Variants in PHACTR4 observed in about 807,000 individuals in gnomAD.
PHACTR4 encodes the protein protein phosphatase 1, regulatory subunit 124.
A neutral mutation model predicts 72.7 loss-of-function variants in PHACTR4; 51 were observed. The ratio of observed to expected loss-of-function variants is 0.70; its 90% CI spans 0.56 to 0.89. The LOEUF is 0.89. Ranked by LOEUF, PHACTR4 falls within the 40% of genes least tolerant of loss-of-function variation. The pLI, the probability that PHACTR4 is intolerant of heterozygous loss-of-function variation, is 0.00. For missense variants in PHACTR4, 731 were observed against 861.8 expected (o/e 0.85, Z 1.90); for synonymous variants, 255 against 302.5 (o/e 0.84, Z 1.63).
At chr1:28,440,500 A>G (rs1445445202) in intron 2 of PHACTR4, among the ~76,000 whole-genome samples, 1 of 134,448 alleles carries the variant, frequency 7.4e-6, no homozygotes, top group Non-Finnish European at 1.5e-5. Context: ...GGTTCACGCC[A>G]TTCTCCTGCC....
chr1:28,473,147 G>A (rs1659679282), intron 6 of PHACTR4, among the ~76,000 whole-genome samples: 1 of 151,712 alleles, frequency 6.6e-6, no homozygotes, highest in African/African-American at 2.4e-5. Flanking sequence ...GTAGTGGCGT[G>A]CGCCTGTAAT....
intron 13 of PHACTR4, 31 bp downstream of exon 13, chr1:28,493,122 G>A (rs1425512650): frequency 6.3e-7 from 1 of 1,582,344 alleles, no homozygotes; most frequent in Non-Finnish European, 8.7e-7. Context: ...TCATATATGT[G>A]CTAGGTAGAG....
chr1:28,423,435 ATAAAT>A (rs1362919481), intron 2 of PHACTR4, among the ~76,000 whole-genome samples: 1 of 141,570 alleles, frequency 7.1e-6, no homozygotes, highest in Non-Finnish European at 1.5e-5. Context: ...AAATAAATAA[ATAAAT>A]AAATGAGTAA....
chr1:28,369,883 T>TCTCAGGCTGCGGCCC (rs1651082571), intron 1 of PHACTR4, 58 bp downstream of exon 1: 3 of 415,366 alleles, frequency 7.2e-6, no homozygotes, highest in Non-Finnish European at 1.4e-5. Flanking sequence ...GGCTGCGGCC[T>TCTCAGGCTGCGGCCC]CCTCTCAGGC....
At position 28,450,974 on chromosome 1, in the gene PHACTR4, C is replaced by CTTTTTTTTTTTTTTTTTTTTTTTTTTTTT. The variant is rs1188704308; in HGVS notation, c.17-8091_17-8090insTTTTTTTTTTTTTTTTTTTTTTTTTTTTT. Among the ~76,000 whole-genome samples, 63 of 72,044 alleles carry CTTTTTTTTTTTTTTTTTTTTTTTTTTTTT rather than the reference C, an allele frequency of 8.7e-4. 7 individuals are homozygous for CTTTTTTTTTTTTTTTTTTTTTTTTTTTTT. The highest frequency in any genetic ancestry group is 1.2e-3 in the Non-Finnish European group (45 of 37,638). The allele number at this position is 72,044 out of a possible 152,430, so 47.3% of individuals were successfully genotyped here. ...TACAGGCATGTACCACCACACCCAG[C>CTTTTTTTTTTTTTTTTTTTTTTTTTTTTT]TTTTTTTTTTTTTTTTTTTTGTATT... On this transcript the variant is annotated intron_variant, in intron 2 of 13. Coordinates refer to ENST00000373839, the MANE Select transcript of PHACTR4 (RefSeq NM_001048183.3).
intron 2 of PHACTR4, among the ~76,000 whole-genome samples, chr1:28,443,710 C>T (rs753853839): frequency 2.0e-4 from 30 of 152,140 alleles, no homozygotes; most frequent in Non-Finnish European, 3.5e-4. Context: ...CTGCCTCAGC[C>T]TTCCAAAGTG....
At chr1:28,456,828 A>C (rs903082535) in intron 2 of PHACTR4, among the ~76,000 whole-genome samples, 3 of 149,088 alleles carry the variant, frequency 2.0e-5, no homozygotes, top group African/African-American at 4.9e-5. Flanking sequence ...TTGAAGGCTC[A>C]GTGAGCTGTG....
At chr1:28,415,525 G>T (rs1318145740) in intron 2 of PHACTR4, among the ~76,000 whole-genome samples, 1 of 152,212 alleles carries the variant, frequency 6.6e-6, no homozygotes, top group Non-Finnish European at 1.5e-5. Flanking sequence ...TTATTTAAAA[G>T]TACTGAGTTG....
chr1:28,485,944 T>C (rs1482723114), intron 9 of PHACTR4, among the ~76,000 whole-genome samples: 1 of 151,922 alleles, frequency 6.6e-6, no homozygotes, highest in Non-Finnish European at 1.5e-5. Context: ...TAAAAGTCTG[T>C]TCAAAAGGTA....
intron 13 of PHACTR4, among the ~76,000 whole-genome samples, chr1:28,495,373 G>A (rs1661282125): frequency 6.6e-6 from 1 of 151,954 alleles, no homozygotes; most frequent in Non-Finnish European, 1.5e-5. Flanking sequence ...CTCCCGAAGT[G>A]TTGGGATTAC....
rs183513321 is a variant in PHACTR4 at position 28,399,188 on chromosome 1, G to A, written c.-38-8222G>A. 2.1e-3 allele frequency among the ~76,000 whole-genome samples: 312 copies of A among 151,752 alleles called. 5 individuals carry two copies. The highest frequency in any genetic ancestry group is 0.015 in the Admixed American group (233 of 15,220). On this transcript the variant is annotated intron_variant, in intron 1 of 13. Coordinates refer to ENST00000373839, the MANE Select transcript of PHACTR4 (RefSeq NM_001048183.3). The stretch of plus-strand genomic sequence containing the variant: ...TTAGCTGGGTGTGGTGGCACATGCC[G>A]GTAATCTCAGCTACTGGGGAGGCTG...
chr1:28,453,811 G>A (rs1159534888), intron 2 of PHACTR4: 9 of 879,814 alleles, frequency 1.0e-5, no homozygotes, highest in East Asian at 8.1e-5. Flanking sequence ...CAAAAATCAT[G>A]ATGCTGACAG....
Position 28,490,978 on chromosome 1 carries a change from A to C in PHACTR4, c.1844A>C (p.Glu615Ala). ...AAAAATGAAGCTGATCGTCAGGCAG[A>C]AAAACGAGAAATTAAACGTCGGCTC... ...QPKNEADRQA[E>A]KREIKRRLTR... is the part of the protein sequence containing the mutation. Residue 615 changes from glutamate to alanine, a missense_variant, in exon 11 of 14, where the codon GAA (glutamate) becomes GCA (alanine). This residue lies in a region of PHACTR4 where 110 missense variants were observed against 185.2 expected (regional missense o/e 0.59). Coordinates refer to ENST00000373839, the MANE Select transcript of PHACTR4 (RefSeq NM_001048183.3). The C allele has an allele frequency of 6.2e-7, 1 of 1,614,140 alleles. No homozygotes were observed.
intron 2 of PHACTR4, among the ~76,000 whole-genome samples, chr1:28,408,474 C>T (rs1654522462): frequency 2.0e-5 from 3 of 152,124 alleles, no homozygotes; most frequent in Non-Finnish European, 2.9e-5. Context: ...AGGAGAAACA[C>T]TTGAGGCCTG....
At chr1:28,408,244 T>G (rs1170754903) in intron 2 of PHACTR4, among the ~76,000 whole-genome samples, 1 of 152,178 alleles carries the variant, frequency 6.6e-6, no homozygotes, top group Non-Finnish European at 1.5e-5. Context: ...TAGTGCTTCA[T>G]TAGTACTTGG....
intron 2 of PHACTR4, among the ~76,000 whole-genome samples, chr1:28,442,129 G>A (rs548753996): frequency 2.6e-4 from 40 of 152,092 alleles, no homozygotes; most frequent in Non-Finnish European, 5.6e-4. Flanking sequence ...CTTAAATTAG[G>A]CACAAGACCG....
intron 1 of PHACTR4, among the ~76,000 whole-genome samples, chr1:28,392,963 A>G (rs558989710): frequency 6.0e-4 from 92 of 152,318 alleles, no homozygotes; most frequent in African/African-American, 2.1e-3. Context: ...GTGAAGATGG[A>G]AAAGACACTA....
intron 2 of PHACTR4, among the ~76,000 whole-genome samples, chr1:28,435,681 A>G (rs1037865092): frequency 1.3e-5 from 2 of 152,218 alleles, no homozygotes; most frequent in Non-Finnish European, 2.9e-5. Flanking sequence ...TAAAATTTCA[A>G]TCTGACTCCA....
In PHACTR4 at chr1:28,499,674, C is replaced by A. The variant is rs1032252186; in HGVS notation, c.*3125C>A. ...GTGTTTTGTTAGAGATGAGGTTTTG[C>A]CATATTGCCCAGGCTCGTCTTGAAC... On this transcript the variant is annotated 3_prime_UTR_variant, in exon 14 of 14. Transcript: ENST00000373839. 6.6e-6 allele frequency: 1 copy of A among 152,064 alleles called. No individual in the cohort carries two copies. Among genetic ancestry groups the A allele is most frequent in the African/African-American group, 2.4e-5 (1 of 41,392 alleles). The allele number at this position is 152,064 out of a possible 1,614,324, so 9.4% of individuals were successfully genotyped here.
Sources: gnomAD v4.1 joint callset for allele counts (sites outside exome capture counted in the v4.1 genomes callset) on GRCh38, gnomAD v4.1.1 for gene constraint, gnomAD v4.1.1 regional missense constraint, MANE v1.5 for transcripts, NCBI Gene and HGNC (gene_info 2026-07-23, HGNC 2026-07-21) for gene names.